Variants in PAM observed in about 807,000 individuals in gnomAD.
PAM encodes the protein peptidylglycine alpha-amidating monooxygenase.
A neutral mutation model predicts 122.1 loss-of-function variants in PAM; 72 were observed. The ratio of observed to expected loss-of-function variants is 0.59; its 90% CI spans 0.49 to 0.72. The LOEUF is 0.72. Among genes scored for constraint, PAM ranks in the 30% least tolerant of loss-of-function variants. PAM has a pLI of 0.00. For missense variants in PAM, 1,106 were observed against 1,183.7 expected (o/e 0.93, Z 0.96); for synonymous variants, 389 against 404.4 (o/e 0.96, Z 0.46).
chr5:102,999,282 T>G (rs763008996), intron 16 of PAM, among the ~76,000 whole-genome samples: 6 of 152,220 alleles, frequency 3.9e-5, no homozygotes, highest in Admixed American at 6.5e-5. Flanking sequence ...TTTGACTGCA[T>G]GTCTCACATC....
At chr5:102,789,210 T>C (rs1761398841) in intron 1 of PAM, among the ~76,000 whole-genome samples, 1 of 152,148 alleles carries the variant, frequency 6.6e-6, no homozygotes, top group Non-Finnish European at 1.5e-5. Context: ...ATAATTGATT[T>C]TTTAAAAATC....
rs115026882 is a variant in PAM, at chr5:102,881,412, G to T, written c.210+14019G>T. The stretch of plus-strand genomic sequence containing the variant: ...ATTAATTTTGCAAAAATTCAAAAGA[G>T]CTATGATATACAGAGCTTTTAAGGA... On this transcript the variant is annotated intron_variant, in intron 3 of 25. Transcript: ENST00000438793. 5.9e-3 allele frequency among the ~76,000 whole-genome samples: 891 copies of T among 152,036 alleles called. 6 individuals carry two copies. Among genetic ancestry groups the T allele is most frequent in the African/African-American group, 0.02 (830 of 41,506 alleles).
At chr5:103,018,945 G>A (rs953490043) in intron 22 of PAM, among the ~76,000 whole-genome samples, 4 of 152,144 alleles carry the variant, frequency 2.6e-5, no homozygotes, top group African/African-American at 9.7e-5. Context: ...TTCACAAAAG[G>A]GTTCAGGCTC....
At chr5:102,943,104 C>T (rs1398985360) in intron 7 of PAM, among the ~76,000 whole-genome samples, 1 of 152,036 alleles carries the variant, frequency 6.6e-6, no homozygotes, top group African/African-American at 2.4e-5. Context: ...ATTAGTGGGA[C>T]GTAGTTTATA....
intron 1 of PAM, among the ~76,000 whole-genome samples, chr5:102,832,879 G>A (rs976281288): frequency 1.3e-5 from 2 of 152,122 alleles, no homozygotes; most frequent in Non-Finnish European, 2.9e-5. Flanking sequence ...GACAGTCCTG[G>A]TTTGAAATCT....
chr5:102,914,728 C>T (rs941911712), intron 5 of PAM, among the ~76,000 whole-genome samples: 46 of 152,012 alleles, frequency 3.0e-4, no homozygotes, highest in Admixed American at 2.4e-3. Context: ...AAGTTGTTTA[C>T]GGTAGTAACA....
intron 3 of PAM, among the ~76,000 whole-genome samples, chr5:102,881,208 C>T (rs1790943596): frequency 6.6e-6 from 1 of 151,050 alleles, no homozygotes; most frequent in Non-Finnish European, 1.5e-5. Flanking sequence ...GAAAAACACG[C>T]ATATGGCAGA....
At chr5:102,844,574 C>T (rs1174836322) in intron 1 of PAM, among the ~76,000 whole-genome samples, 1 of 151,974 alleles carries the variant, frequency 6.6e-6, no homozygotes, top group Non-Finnish European at 1.5e-5. Context: ...AGTCTATGGT[C>T]AGAGGATCCT....
chr5:102,757,870 A>G (rs981262533), intron 1 of PAM, among the ~76,000 whole-genome samples: 6 of 151,622 alleles, frequency 4.0e-5, no homozygotes, highest in African/African-American at 1.5e-4. Flanking sequence ...CCTTCTCTCT[A>G]CAAAAAATAT....
rs1033342134 is a variant in PAM, at chr5:102,865,996, T to C, written c.-200T>C. On this transcript the variant is annotated 5_prime_UTR_variant, in exon 2 of 26. Transcript: ENST00000438793. ...AAAGTCCCGCCTGCCCACGGCTTTT[T>C]GCCCGCCGCTCGTGACCGAGACGCC... 1.3e-4 allele frequency: 58 copies of C among 453,620 alleles called. No individual in the cohort carries two copies. The East Asian group carries it at 2.1e-3, about 17-fold the overall frequency. The allele number at this position is 453,620 out of a possible 1,614,324, so 28.1% of individuals were successfully genotyped here. A position where few individuals can be genotyped will look rare whatever the true frequency, so the allele number is the denominator to read the frequency against.
At chr5:102,955,263 A>T (rs1760340526) in intron 12 of PAM, among the ~76,000 whole-genome samples, 1 of 152,032 alleles carries the variant, frequency 6.6e-6, no homozygotes, top group Non-Finnish European at 1.5e-5. Flanking sequence ...TGTATTACAT[A>T]TCTTTCTAAT....
chr5:102,878,733 TA>T (rs891569970), intron 3 of PAM, among the ~76,000 whole-genome samples: 46 of 144,202 alleles, frequency 3.2e-4, no homozygotes, highest in African/African-American at 5.8e-4. Flanking sequence ...ATGTTTAAAG[TA>T]AAAAAAAAAA....
chr5:103,006,844 T>C lies in PAM; in HGVS notation c.1847T>C (p.Ile616Thr), dbSNP rs1779132589. ...DPNNKEGPVL[I>T]LGRSMQPGSD... is the part of the protein sequence containing the mutation. ...AACAATAAAGAAGGCCCTGTATTAA[T>C]CCTGGGAAGGAGCATGCAACCAGGC... Residue 616 changes from isoleucine (I) to threonine (T), a missense_variant, in exon 19 of 26, where the codon ATC becomes ACC. This residue lies in a region of PAM where 103 missense variants were observed against 157.9 expected (regional missense o/e 0.65). Coordinates refer to ENST00000438793, the MANE Select transcript of PAM (RefSeq NM_001177306.2). The C allele has an allele frequency of 1.2e-6, 2 of 1,614,034 alleles. No homozygotes were observed. Among genetic ancestry groups the C allele is most frequent in the East Asian group, 4.5e-5 (2 of 44,876 alleles).
chr5:103,005,932 T>TTGC (rs1305028334), intron 18 of PAM, among the ~76,000 whole-genome samples: 4 of 145,304 alleles, frequency 2.8e-5, no homozygotes, highest in African/African-American at 1.1e-4. Flanking sequence ...GTTGTTGTTG[T>TTGC]TGCTGTTGTT....
intron 3 of PAM, among the ~76,000 whole-genome samples, chr5:102,892,977 A>G (rs1195190671): frequency 2.0e-5 from 3 of 151,836 alleles, no homozygotes; most frequent in Non-Finnish European, 1.5e-5. Flanking sequence ...ACTTTAAAAA[A>G]TTGATCTAAT....
chr5:103,000,852 G>T (rs1047824441), intron 16 of PAM, among the ~76,000 whole-genome samples: 6 of 152,134 alleles, frequency 3.9e-5, no homozygotes, highest in South Asian at 2.1e-4. Context: ...TTTCCACCAA[G>T]TCCCTCCCAT....
chr5:102,959,071 C>T (rs1761702579), intron 12 of PAM, among the ~76,000 whole-genome samples: 1 of 152,104 alleles, frequency 6.6e-6, no homozygotes, highest in South Asian at 2.1e-4. Context: ...AAGCAGAATA[C>T]ATATTTTGTA....
chr5:102,983,927 T>C (rs1770826134), intron 15 of PAM, among the ~76,000 whole-genome samples: 1 of 152,228 alleles, frequency 6.6e-6, no homozygotes, highest in Admixed American at 6.5e-5. Context: ...CCAAGAATAC[T>C]ATTCCCAGCA....
intron 1 of PAM, among the ~76,000 whole-genome samples, chr5:102,865,064 C>A (rs1348931798): frequency 1.3e-5 from 2 of 152,176 alleles, no homozygotes; most frequent in East Asian, 3.8e-4. Context: ...CCTACTCTTT[C>A]TAATTATGTT....
Sources: allele counts gnomAD v4.1 joint callset (sites outside exome capture counted in the v4.1 genomes callset), GRCh38; gene constraint gnomAD v4.1.1; regional missense constraint gnomAD v4.1.1; transcripts MANE v1.5; gene names NCBI Gene and HGNC (gene_info 2026-07-23, HGNC 2026-07-21).